Variants in SLC6A12 observed in about 807,000 individuals in gnomAD.
The protein encoded by SLC6A12 is sodium- and chloride-dependent betaine transporter.
In SLC6A12, 50 loss-of-function variants were observed where a neutral mutation model predicts 73.3. The observed-to-expected ratio is 0.68, with a 90% confidence interval of 0.54 to 0.86. The LOEUF (loss-of-function observed/expected upper bound fraction) is 0.86. Among genes scored for constraint, SLC6A12 ranks in the 40% least tolerant of loss-of-function variants. The pLI is 0.00. For missense variants in SLC6A12, 648 were observed against 772.8 expected (o/e 0.84, Z 1.92); for synonymous variants, 304 against 309.2 (o/e 0.98, Z 0.18).
downstream of SLC6A12, among the ~76,000 whole-genome samples, chr12:185,735 G>C (rs1339740146): frequency 6.6e-6 from 1 of 152,148 alleles, no homozygotes; most frequent in African/African-American, 2.4e-5. Context: ...AGACCTGACA[G>C]GCCATCTGCC....
downstream of SLC6A12, among the ~76,000 whole-genome samples, chr12:186,466 A>G (rs550640613): frequency 6.6e-6 from 1 of 152,338 alleles, no homozygotes; most frequent in African/African-American, 2.4e-5. Flanking sequence ...CACTGGGGTC[A>G]GGCATTTGGG....
the SLC6A12 span, among the ~76,000 whole-genome samples, chr12:184,755 T>TA: frequency 1.3e-5 from 1 of 77,022 alleles, no homozygotes; most frequent in African/African-American, 3.5e-5. Context: ...GTCTCAAAAA[T>TA]AAATAAATAA....
intron 13 of SLC6A12, among the ~76,000 whole-genome samples, chr12:194,798 G>A (rs751569095): frequency 1.3e-5 from 2 of 152,192 alleles, no homozygotes; most frequent in Non-Finnish European, 2.9e-5. Context: ...ACACAGGAAT[G>A]AGCTCCCTGT....
downstream of SLC6A12, among the ~76,000 whole-genome samples, chr12:186,201 C>T (rs647001): frequency 0.093 from 14,163 of 151,998 alleles, 2,177 homozygotes; most frequent in African/African-American, 0.32. Context: ...GGGTGACTCT[C>T]GCGCTCTGGG....
Position 209,936 on chromosome 12 carries a change from C to G in SLC6A12, c.51G>C (p.Trp17Cys). ...CCAACTTCTCTCCCTCCTCGGGGAC[C>G]CAGGAGACTGCAGGAGGCCCACACT... Reference protein sequence around the residue: ...VQECGPPAVSWVPEEGEKLDQ... With the variant: ...VQECGPPAVSCVPEEGEKLDQ... The change falls in exon 3 of 16, where the codon TGG becomes TGC. Residue 17 changes from tryptophan to cysteine, a missense_variant. Physicochemically the swap from Trp to Cys is radical, Grantham distance 215 (BLOSUM62 -2). Transcript: ENST00000684302. 1 of 1,614,178 alleles carries G rather than the reference C, an allele frequency of 6.2e-7. No homozygotes were observed. Among genetic ancestry groups the G allele is most frequent in the Non-Finnish European group, 8.5e-7 (1 of 1,180,028 alleles).
At chr12:200,294 G>A (rs1259866791) in intron 7 of SLC6A12, among the ~76,000 whole-genome samples, 7 of 151,168 alleles carry the variant, frequency 4.6e-5, no homozygotes, top group South Asian at 2.1e-4. Context: ...ATTTTTAGTA[G>A]AGACGGGGTT....
At chr12:210,515 G>A in intron 2 of SLC6A12, 7 of 469,654 alleles carry the variant, frequency 1.5e-5, no homozygotes, top group Non-Finnish European at 2.0e-5. Flanking sequence ...CCAGCTGTGT[G>A]CTAAGGTGAT....
chr12:200,578 A>G (rs1419051263), intron 7 of SLC6A12, 73 bp downstream of exon 7: 1 of 1,502,364 alleles, frequency 6.7e-7, no homozygotes, highest in Non-Finnish European at 9.1e-7. Flanking sequence ...TCAGTTCTCC[A>G]GAGGGTCCCC....
chr12:195,385 C>T (rs369744560), intron 12 of SLC6A12, 58 bp from the exon 13 acceptor site: 3 of 1,137,464 alleles, frequency 2.6e-6, no homozygotes, highest in Non-Finnish European at 4.0e-6. Flanking sequence ...CACACTCCAG[C>T]CCTCAGTGAG....
rs1939566535 is a variant in SLC6A12 at position 190,927 on chromosome 12, C to T, written c.*141G>A. ...CTAGCACAAGAGAGGAGTCTGGCCT[C>T]CAGCTGGGGGTGCCTGTGGCTCTCC... On this transcript the variant is annotated 3_prime_UTR_variant, in exon 16 of 16. Transcript: ENST00000684302. The T allele has an allele frequency of 2.2e-5, 14 of 643,976 alleles. No homozygotes were observed. In the South Asian group the frequency reaches 1.1e-3, roughly 51 times the overall value. 39.9% of individuals were successfully genotyped at this position (643,976 alleles called of 1,614,324 possible). A position where few individuals can be genotyped will look rare whatever the true frequency, so the allele number is the denominator to read the frequency against.
At chr12:185,662 GCAT>G (rs201982121), downstream of SLC6A12, among the ~76,000 whole-genome samples, 1,848 of 152,322 alleles carry the variant, frequency 0.012, 31 homozygotes, top group African/African-American at 0.042. Context: ...TCTGTCTGTG[GCAT>G]CATCTGGCAA....
At chr12:200,833 G>C in intron 6 of SLC6A12, 50 bp from the exon 7 acceptor site, 2 of 1,574,748 alleles carry the variant, frequency 1.3e-6, no homozygotes, top group Non-Finnish European at 1.7e-6. Context: ...AAAGGGGACA[G>C]TTTGCGTCTG....
intron 9 of SLC6A12, 141 bp from the exon 10 acceptor site, chr12:197,642 G>A (rs528706518): frequency 4.9e-5 from 44 of 894,870 alleles, no homozygotes; most frequent in Non-Finnish European, 7.2e-5. Context: ...GCACAGAGGA[G>A]GGGAGGAAGG....
downstream of SLC6A12, among the ~76,000 whole-genome samples, chr12:187,467 G>C (rs662785): frequency 6.6e-6 from 1 of 151,240 alleles, no homozygotes; most frequent in African/African-American, 2.4e-5. Context: ...TTTTCCTCCC[G>C]ATGGTTCAGT....
chr12:197,148 T>TCTAC (rs1939931163), intron 10 of SLC6A12, among the ~76,000 whole-genome samples: 3 of 130,558 alleles, frequency 2.3e-5, no homozygotes, highest in African/African-American at 2.9e-5. Flanking sequence ...CATCCATCCA[T>TCTAC]CCATCCATCC....
chr12:186,615 G>A (rs559888977), downstream of SLC6A12, among the ~76,000 whole-genome samples: 24 of 152,334 alleles, frequency 1.6e-4, no homozygotes, highest in African/African-American at 5.8e-4. Flanking sequence ...GCAGCAAGCT[G>A]CTGCTGTTGA....
Position 197,363 on chromosome 12 carries a change from A to C in SLC6A12, c.1075+14T>G, listed in dbSNP as rs765226448. ...TCCTTCCCCTCAGGCCCCAGACAGC[A>C]AAGTGGCACCTACCTGACTCGGCCA... On this transcript the variant is annotated intron_variant, in intron 10 of 15. Transcript: ENST00000684302. The C allele has an allele frequency of 6.2e-7, 1 of 1,610,518 alleles. No individual in the cohort carries two copies. Among genetic ancestry groups the C allele is most frequent in the South Asian group, 1.1e-5 (1 of 90,504 alleles).
intron 2 of SLC6A12, 45 bp from the exon 3 acceptor site, chr12:210,088 C>T (rs888312801): frequency 1.1e-5 from 17 of 1,498,520 alleles, no homozygotes; most frequent in South Asian, 7.9e-5. Flanking sequence ...GACATGCTCC[C>T]GCCAGCCCTG....
intron 5 of SLC6A12, 73 bp downstream of exon 5, chr12:202,667 G>T: frequency 6.7e-7 from 1 of 1,492,074 alleles, no homozygotes; most frequent in Non-Finnish European, 9.2e-7. Flanking sequence ...ACTCCCCGTC[G>T]TTGCTTGGAT....
Sources: gnomAD v4.1 joint callset for allele counts (sites outside exome capture counted in the v4.1 genomes callset) on GRCh38, gnomAD v4.1.1 for gene constraint, MANE v1.5 for transcripts, NCBI Gene and HGNC (gene_info 2026-07-23, HGNC 2026-07-21) for gene names.